Variants in ZMYM4 observed in about 807,000 individuals in gnomAD.
ZMYM4 encodes zinc finger MYM-type protein 4.
A neutral mutation model predicts 183.2 loss-of-function variants in ZMYM4; 31 were observed. The ratio of observed to expected loss-of-function variants is 0.17; its 90% CI spans 0.13 to 0.23. The LOEUF (loss-of-function observed/expected upper bound fraction) is 0.23, where lower values mean the gene tolerates loss of function less well. ZMYM4 is among the 10% of genes least tolerant of loss of function. The pLI is 1.00. For missense variants in ZMYM4, 1,273 were observed against 1,840.3 expected, an observed-to-expected ratio of 0.69 and a Z score of 5.64; for synonymous variants, 592 against 631.2, an observed-to-expected ratio of 0.94 and a Z score of 0.93.
intron 1 of ZMYM4, among the ~76,000 whole-genome samples, chr1:35,313,090 C>G (rs758194082): frequency 1.3e-5 from 2 of 152,062 alleles, no homozygotes; most frequent in Admixed American, 1.3e-4. Flanking sequence ...GACAGGGTAT[C>G]ACCATGTTGC....
chr1:35,386,834 A>G (rs3843296), intron 11 of ZMYM4, among the ~76,000 whole-genome samples, 169 bp from the exon 12 acceptor site: 5,051 of 152,254 alleles, frequency 0.033, 270 homozygotes, highest in East Asian at 0.25. Context: ...TTTTTTCATC[A>G]TAAATGAGAC....
intron 1 of ZMYM4, among the ~76,000 whole-genome samples, chr1:35,286,024 G>A (rs1012548140): frequency 6.6e-6 from 1 of 152,112 alleles, no homozygotes; most frequent in Admixed American, 6.5e-5. Context: ...ATTCAGTGTA[G>A]TATTAGAAGT....
At position 35,389,900 on chromosome 1, in the gene ZMYM4, A is replaced by G; in HGVS notation, c.2437-48A>G. ...GTGTGTCTTATTTTTATTTTGTCAG[A>G]CCACAGATAATTTGTTTCTTACTCC... On this transcript the variant is annotated intron_variant, in intron 14 of 29. Coordinates refer to ENST00000314607, the MANE Select transcript of ZMYM4 (RefSeq NM_005095.3). The surrounding 1 kb of genome is among the most constrained non-coding windows in gnomAD (Gnocchi z 4.0). 6.4e-7 allele frequency: 1 copy of G among 1,567,006 alleles called. No homozygotes were observed. Among genetic ancestry groups the G allele is most frequent in the South Asian group, 1.2e-5 (1 of 85,342 alleles).
chr1:35,348,132 G>A (rs926943205), intron 2 of ZMYM4, among the ~76,000 whole-genome samples: 1 of 152,100 alleles, frequency 6.6e-6, no homozygotes, highest in Non-Finnish European at 1.5e-5. Context: ...TTTATAAAAT[G>A]GTTTATACTG....
At chr1:35,344,935 C>T (rs76467078) in intron 2 of ZMYM4, among the ~76,000 whole-genome samples, 37 of 152,170 alleles carry the variant, frequency 2.4e-4, no homozygotes, top group Non-Finnish European at 5.0e-4. Flanking sequence ...ACTCAATTCA[C>T]TAGTGGAGAC....
chr1:35,281,471 A>G (rs756425112), intron 1 of ZMYM4, among the ~76,000 whole-genome samples: 5 of 152,008 alleles, frequency 3.3e-5, no homozygotes, highest in Non-Finnish European at 5.9e-5. Flanking sequence ...GAAGGGAGGG[A>G]CAGGAAGATA....
In ZMYM4 at chr1:35,398,855, A is replaced by G. The variant is rs200769721; in HGVS notation, c.3254-9A>G. On this transcript the variant is annotated splice_polypyrimidine_tract_variant and intron_variant, in intron 21 of 29. Transcript: ENST00000314607. ...TTTTGAGGGCTTAATTGTTATCTAT[A>G]TATTTCAGACCAAGGAAGTACATAC... is the stretch of plus-strand genomic sequence containing the variant. 36 of 1,613,574 alleles carry G rather than the reference A, an allele frequency of 2.2e-5. No homozygotes were observed. The highest frequency in any genetic ancestry group is 1.2e-4 in the Admixed American group (7 of 59,976).
At chr1:35,327,750 G>C (rs938467649) in intron 2 of ZMYM4, among the ~76,000 whole-genome samples, 1 of 152,176 alleles carries the variant, frequency 6.6e-6, no homozygotes, top group African/African-American at 2.4e-5. Context: ...CTCAGCAAAA[G>C]GAGATCATGT....
intron 5 of ZMYM4, among the ~76,000 whole-genome samples, chr1:35,364,296 G>A (rs952235093): frequency 1.3e-5 from 2 of 152,078 alleles, no homozygotes. Flanking sequence ...CCACAATAAG[G>A]GACTTGTAGT....
At chr1:35,345,907 G>A (rs917237202) in intron 2 of ZMYM4, among the ~76,000 whole-genome samples, 2 of 152,094 alleles carry the variant, frequency 1.3e-5, no homozygotes, top group South Asian at 2.1e-4. Context: ...TTCATTTTGC[G>A]AAACTGAAAC....
intron 2 of ZMYM4, among the ~76,000 whole-genome samples, chr1:35,340,069 G>C (rs1643140084): frequency 6.6e-6 from 1 of 152,090 alleles, no homozygotes; most frequent in African/African-American, 2.4e-5. Flanking sequence ...GCCTATTCTT[G>C]CCCCTGTTTA....
intron 1 of ZMYM4, among the ~76,000 whole-genome samples, chr1:35,305,597 G>A (rs1641499294): frequency 6.6e-6 from 1 of 151,770 alleles, no homozygotes; most frequent in African/African-American, 2.4e-5. Context: ...AGGCTGGAGT[G>A]CAGTGGCGTA....
intron 9 of ZMYM4, among the ~76,000 whole-genome samples, chr1:35,382,140 C>T (rs1228696432): frequency 7.7e-5 from 11 of 142,650 alleles, no homozygotes; most frequent in South Asian, 6.6e-4. Flanking sequence ...AGTGAAACTC[C>T]GTCTCAAAAA....
intron 22 of ZMYM4, 56 bp downstream of exon 22, chr1:35,399,099 A>C (rs1644858049): frequency 6.5e-7 from 1 of 1,548,276 alleles, no homozygotes; most frequent in South Asian, 1.2e-5. Flanking sequence ...GATCGGTACA[A>C]CTCTGAATTG....
chr1:35,291,733 G>GTTCT (rs956037514), intron 1 of ZMYM4, among the ~76,000 whole-genome samples: 1 of 150,714 alleles, frequency 6.6e-6, no homozygotes, highest in African/African-American at 2.4e-5. Flanking sequence ...TGCCTCCTGA[G>GTTCT]TTCAAGCGAT....
chr1:35,354,138 TTC>T (rs764740345), intron 2 of ZMYM4, among the ~76,000 whole-genome samples: 5 of 151,654 alleles, frequency 3.3e-5, no homozygotes, highest in Non-Finnish European at 5.9e-5. Flanking sequence ...GACAGCAAGA[TTC>T]TGTCTCAAAA....
chr1:35,411,846 A>G (rs1471537373), intron 26 of ZMYM4, among the ~76,000 whole-genome samples: 1 of 151,972 alleles, frequency 6.6e-6, no homozygotes, highest in African/African-American at 2.4e-5. Context: ...CAAGTATTTT[A>G]TTCTTTTTGA....
At chr1:35,297,168 C>A (rs1180846530) in intron 1 of ZMYM4, among the ~76,000 whole-genome samples, 2 of 151,960 alleles carry the variant, frequency 1.3e-5, no homozygotes, top group African/African-American at 4.8e-5. Context: ...CTTTTTCTTT[C>A]TTTCTTTTTT....
chr1:35,397,385 C>A lies in ZMYM4; in HGVS notation c.3039C>A (p.Val1013=), dbSNP rs1166365390. 6.2e-7 allele frequency: 1 copy of A among 1,602,056 alleles called. No individual in the cohort carries two copies. The highest frequency in any genetic ancestry group is 8.5e-7 in the Non-Finnish European group (1 of 1,174,806). ...VPFGIPVPMP[V]PMLIPSSMDS... is the part of the protein sequence containing the mutation. ...TATCCTTGGTCTTTCAGATGCCTGT[C>A]CCTATGCTTATTCCATCTTCAATGG... Residue 1013 remains valine (V), a synonymous_variant, in exon 20 of 30, where the codon GTC becomes GTA. Transcript: ENST00000314607.
Sources: gnomAD v4.1 joint callset for allele counts (sites outside exome capture counted in the v4.1 genomes callset) on GRCh38, gnomAD v4.1.1 for gene constraint, Gnocchi (gnomAD v3.1) non-coding constraint, MANE v1.5 for transcripts, NCBI Gene and HGNC (gene_info 2026-07-23, HGNC 2026-07-21) for gene names.